The following GPC6 variants were observed in gnomAD, a reference collection of about 807,000 sequenced individuals.
GPC6 encodes the protein glypican-6.
GPC6 carries 14 observed loss-of-function variants against 55.2 expected under a neutral mutation model. The observed-to-expected ratio is 0.25, with a 90% CI of 0.17 to 0.40. The LOEUF (loss-of-function observed/expected upper bound fraction) is 0.40, where lower values mean the gene tolerates loss of function less well. Among genes scored for constraint, GPC6 ranks in the 10% least tolerant of loss-of-function variants. The pLI is 1.00. For synonymous variants in GPC6, 278 were observed against 259.6 expected (o/e 1.07, Z -0.68); for missense variants, 641 against 708.5 (o/e 0.90, Z 1.08).
intron 1 of GPC6, among the ~76,000 whole-genome samples, chr13:93,543,070 G>A (rs1451333043): frequency 1.3e-5 from 2 of 152,096 alleles, no homozygotes; most frequent in African/African-American, 4.8e-5. Context: ...TGTTGAATAG[G>A]AGTGTGAGAG....
chr13:93,946,784 C>G (rs1405366697), intron 3 of GPC6, among the ~76,000 whole-genome samples: 2 of 152,162 alleles, frequency 1.3e-5, no homozygotes, highest in Non-Finnish European at 2.9e-5. Context: ...TTAGTTTCAA[C>G]TTGGGTTTTG....
chr13:94,182,978 G>A (rs1889046767), intron 4 of GPC6, among the ~76,000 whole-genome samples: 1 of 152,076 alleles, frequency 6.6e-6, no homozygotes, highest in East Asian at 1.9e-4. Context: ...AGGTCTCACT[G>A]TGTTGCCCAG....
chr13:93,413,880 A>G (rs1876600788), intron 1 of GPC6, among the ~76,000 whole-genome samples: 2 of 152,218 alleles, frequency 1.3e-5, no homozygotes, highest in Admixed American at 1.3e-4. Flanking sequence ...GCCCCTTGGC[A>G]TATTCTTCAA....
intron 4 of GPC6, among the ~76,000 whole-genome samples, chr13:94,270,838 A>G (rs952629428): frequency 1.3e-5 from 2 of 152,132 alleles, no homozygotes; most frequent in Admixed American, 6.5e-5. Flanking sequence ...TCCGAACACT[A>G]AGAGAAGTGG....
In GPC6 at chr13:94,351,952, G is replaced by T. The variant is rs1055816224; in HGVS notation, c.1153-30462G>T. 3.0e-5 allele frequency among the ~76,000 whole-genome samples: 3 copies of T among 99,900 alleles called. No homozygotes were observed. In the Admixed American group the frequency reaches 3.4e-4, roughly 11 times the overall value. The allele number at this position is 99,900 out of a possible 152,430, so 65.5% of individuals were successfully genotyped here. On this transcript the variant is annotated intron_variant, in intron 6 of 8. Coordinates refer to ENST00000377047, the MANE Select transcript of GPC6 (RefSeq NM_005708.5). The stretch of plus-strand genomic sequence containing the variant: ...GAGAACAAAGGGCAAGGAGAGGAGA[G>T]AGAAGAAGGCAAAAAAAAAAAAAAA...
intron 3 of GPC6, among the ~76,000 whole-genome samples, chr13:94,015,407 A>G (rs1882422071): frequency 1.3e-5 from 2 of 152,150 alleles, no homozygotes; most frequent in Admixed American, 6.5e-5. Context: ...AGTTGTGTAT[A>G]TGCTGGATAC....
intron 4 of GPC6, among the ~76,000 whole-genome samples, chr13:94,226,548 A>T (rs892634184): frequency 3.3e-5 from 5 of 152,240 alleles, no homozygotes; most frequent in East Asian, 1.9e-4. Flanking sequence ...CCATAAATAC[A>T]ATTTTTTAAA....
intron 2 of GPC6, among the ~76,000 whole-genome samples, chr13:93,546,846 A>G (rs1874816808): frequency 6.6e-6 from 1 of 152,154 alleles, no homozygotes; most frequent in Non-Finnish European, 1.5e-5. Flanking sequence ...TGTCTCTGGG[A>G]AAACAAACAA....
intron 1 of GPC6, among the ~76,000 whole-genome samples, chr13:93,439,372 T>A (rs1877690534): frequency 6.6e-6 from 1 of 152,116 alleles, no homozygotes; most frequent in African/African-American, 2.4e-5. Flanking sequence ...AGTTCTCATG[T>A]GCTGTTCTCA....
At chr13:93,415,063 A>G (rs1385110558) in intron 1 of GPC6, among the ~76,000 whole-genome samples, 1 of 152,138 alleles carries the variant, frequency 6.6e-6, no homozygotes, top group Non-Finnish European at 1.5e-5. Flanking sequence ...TTTGGAGACA[A>G]TCTGGTAGAA....
At chr13:93,400,185 G>C (rs539784485) in intron 1 of GPC6, among the ~76,000 whole-genome samples, 2 of 152,018 alleles carry the variant, frequency 1.3e-5, no homozygotes, top group Admixed American at 6.6e-5. Flanking sequence ...CACCTCTTCC[G>C]ACCCGAATTA....
intron 3 of GPC6, among the ~76,000 whole-genome samples, chr13:93,911,205 A>G (rs1008638713): frequency 2.6e-5 from 4 of 152,292 alleles, no homozygotes; most frequent in Non-Finnish European, 5.9e-5. Context: ...CAGAAAAGAG[A>G]TCTGATGGAA....
intron 1 of GPC6, among the ~76,000 whole-genome samples, chr13:93,232,567 T>A (rs1876096508): frequency 6.6e-6 from 1 of 152,164 alleles, no homozygotes; most frequent in Non-Finnish European, 1.5e-5. Flanking sequence ...GATATACTTT[T>A]TTACATAAAA....
At chr13:93,822,898 C>G (rs182676922) in intron 2 of GPC6, among the ~76,000 whole-genome samples, 1 of 150,654 alleles carries the variant, frequency 6.6e-6, no homozygotes, top group African/African-American at 2.4e-5. Flanking sequence ...GAGTCTCGCT[C>G]TGTCACCCAG....
chr13:93,386,281 T>C (rs1875400554), intron 1 of GPC6, among the ~76,000 whole-genome samples: 1 of 152,174 alleles, frequency 6.6e-6, no homozygotes, highest in Non-Finnish European at 1.5e-5. Flanking sequence ...GGCAGTGCTG[T>C]TTCAATGTAG....
intron 2 of GPC6, among the ~76,000 whole-genome samples, chr13:93,599,943 C>T (rs1877939392): frequency 6.6e-6 from 1 of 152,112 alleles, no homozygotes; most frequent in African/African-American, 2.4e-5. Flanking sequence ...TCCATGTTAA[C>T]CTACAGGTGT....
chr13:93,421,760 A>G (rs1161192906), intron 1 of GPC6, among the ~76,000 whole-genome samples: 1 of 152,180 alleles, frequency 6.6e-6, no homozygotes, highest in Non-Finnish European at 1.5e-5. Context: ...TTGTTTGAGC[A>G]TGTAGTTGTT....
chr13:94,128,071 C>CACTT (rs1249186895), intron 4 of GPC6, among the ~76,000 whole-genome samples: 1 of 152,158 alleles, frequency 6.6e-6, no homozygotes, highest in East Asian at 1.9e-4. Flanking sequence ...TTCTTTCCAA[C>CACTT]ACTTATTAAT....
At chr13:93,361,610 A>G (rs974723596) in intron 1 of GPC6, among the ~76,000 whole-genome samples, 1 of 152,216 alleles carries the variant, frequency 6.6e-6, no homozygotes, top group Non-Finnish European at 1.5e-5. Context: ...CTATTAATAC[A>G]TATATTCATA....
Sources: gnomAD v4.1 joint callset for allele counts (sites outside exome capture counted in the v4.1 genomes callset) on GRCh38, gnomAD v4.1.1 for gene constraint, MANE v1.5 for transcripts, NCBI Gene and HGNC (gene_info 2026-07-23, HGNC 2026-07-21) for gene names.